GPATCH2: variants seen among roughly 807,000 people sequenced by gnomAD.
GPATCH2 encodes G patch domain-containing protein 2.
Under a neutral mutation model 58.0 loss-of-function variants are expected in GPATCH2, and 51 were observed. The observed-to-expected ratio is 0.88, with a 90% confidence interval of 0.70 to 1.11. GPATCH2 has a LOEUF of 1.11. GPATCH2 is among the 50% of genes most tolerant of loss of function. The pLI is 0.00. For missense variants in GPATCH2, 625 were observed against 652.2 expected (o/e 0.96, Z 0.45); for synonymous variants, 222 against 218.5 (o/e 1.02, Z -0.14).
At chr1:217,594,949 A>G (rs1260368311) in intron 5 of GPATCH2, among the ~76,000 whole-genome samples, 1 of 152,214 alleles carries the variant, frequency 6.6e-6, no homozygotes, top group Non-Finnish European at 1.5e-5. Context: ...GGCACCTTTA[A>G]GGAGCATGCC....
chr1:217,453,439 CACTT>C (rs1389621979), intron 8 of GPATCH2, among the ~76,000 whole-genome samples: 1 of 152,140 alleles, frequency 6.6e-6, no homozygotes, highest in African/African-American at 2.4e-5. Flanking sequence ...ACGGGTCTGT[CACTT>C]ACGATTTGAA....
intron 9 of GPATCH2, among the ~76,000 whole-genome samples, chr1:217,439,802 A>C (rs977860355): frequency 4.6e-5 from 7 of 152,226 alleles, no homozygotes; most frequent in Non-Finnish European, 7.3e-5. Context: ...ACACCCTCCC[A>C]AGACTAAAGC....
chr1:217,596,581 T>C (rs1378737361), intron 5 of GPATCH2, among the ~76,000 whole-genome samples: 1 of 152,200 alleles, frequency 6.6e-6, no homozygotes, highest in African/African-American at 2.4e-5. Flanking sequence ...GCTATTATAA[T>C]GAATAGTAAT....
At chr1:217,469,008 G>C (rs559514181) in intron 8 of GPATCH2, among the ~76,000 whole-genome samples, 23 of 152,128 alleles carry the variant, frequency 1.5e-4, no homozygotes, top group African/African-American at 5.3e-4. Flanking sequence ...AGTCATTACA[G>C]CTTTTTCAAG....
At chr1:217,490,730 T>C (rs1243054055) in intron 8 of GPATCH2, among the ~76,000 whole-genome samples, 3 of 152,238 alleles carry the variant, frequency 2.0e-5, no homozygotes, top group African/African-American at 7.2e-5. Context: ...ATCTCATCCA[T>C]AGTTATTTTA....
At position 217,620,120 on chromosome 1, in the gene GPATCH2, A is replaced by G. The variant is rs1466073100; in HGVS notation, c.436T>C (p.Ser146Pro). ...CCAACATTGTCCACAGCAAAATCAG[A>G]CTCATGCCATAGAGGTCTTTTCCCT... ...VRGKRPLWHE[S>P]DFAVDNVGNR... is the part of the protein sequence containing the mutation. The change falls in exon 2 of 10, where the codon TCT (serine) becomes CCT (proline). Residue 146 changes from serine (S) to proline (P), a missense_variant. Coordinates refer to ENST00000366935, the MANE Select transcript of GPATCH2 (RefSeq NM_018040.5). 6.2e-7 allele frequency: 1 copy of G among 1,614,026 alleles called. No homozygotes were observed.
At chr1:217,628,877 A>T (rs1008568274) in intron 1 of GPATCH2, among the ~76,000 whole-genome samples, 2 of 152,102 alleles carry the variant, frequency 1.3e-5, no homozygotes, top group Admixed American at 6.6e-5. Flanking sequence ...ATTCCTTGAG[A>T]TATTATATCT....
intron 5 of GPATCH2, among the ~76,000 whole-genome samples, chr1:217,567,148 G>C (rs1666288699): frequency 6.7e-6 from 1 of 150,170 alleles, no homozygotes; most frequent in African/African-American, 2.4e-5. Flanking sequence ...CTAGGTTCAA[G>C]TGATTCTCGT....
At chr1:217,508,896 A>C (rs1662698107) in intron 6 of GPATCH2, among the ~76,000 whole-genome samples, 1 of 152,194 alleles carries the variant, frequency 6.6e-6, no homozygotes, top group South Asian at 2.1e-4. Flanking sequence ...TACATTAATG[A>C]TTAGACTTTA....
Position 217,496,229 on chromosome 1 carries a change from C to T in GPATCH2, c.1206+2127G>A, listed in dbSNP as rs147190049. Among the ~76,000 whole-genome samples the T allele has an allele frequency of 8.0e-3, 1,225 of 152,284 alleles. 16 individuals carry two copies. Among genetic ancestry groups the T allele is most frequent in the African/African-American group, 0.028 (1,169 of 41,562 alleles). ...TCATTGTCATTATTCAGATTCCATACACCTACTTGCTAACATTTATTTGTA... is the reference window on the plus strand; with the variant it reads ...TCATTGTCATTATTCAGATTCCATATACCTACTTGCTAACATTTATTTGTA... On this transcript the variant is annotated intron_variant, in intron 7 of 9. Coordinates refer to ENST00000366935, the MANE Select transcript of GPATCH2 (RefSeq NM_018040.5).
At position 217,458,620 on chromosome 1, in the gene GPATCH2, C is replaced by G. The variant is rs546077678; in HGVS notation, c.1278-9283G>C. The stretch of plus-strand genomic sequence containing the variant: ...TTTTTTCTTAACAACTGGTACTCAT[C>G]GAGACCATATATATGTGCTAACATT... On this transcript the variant is annotated intron_variant, in intron 8 of 9. Transcript: ENST00000366935. Among the ~76,000 whole-genome samples, 6 of 152,090 alleles carry G rather than the reference C, an allele frequency of 3.9e-5. No homozygotes were observed. In the South Asian group the frequency reaches 1.2e-3, roughly 32 times the overall value.
At chr1:217,536,492 T>A (rs1161776104) in intron 5 of GPATCH2, among the ~76,000 whole-genome samples, 1 of 152,218 alleles carries the variant, frequency 6.6e-6, no homozygotes, top group East Asian at 1.9e-4. Context: ...AATTTGCTGA[T>A]TTCTTCTATA....
At chr1:217,534,802 C>T (rs1664386258) in intron 5 of GPATCH2, among the ~76,000 whole-genome samples, 1 of 152,188 alleles carries the variant, frequency 6.6e-6, no homozygotes, top group South Asian at 2.1e-4. Context: ...GTACTAACTA[C>T]ATTCAGGTCA....
chr1:217,617,975 G>A (rs1321580479), intron 2 of GPATCH2, among the ~76,000 whole-genome samples: 1 of 151,982 alleles, frequency 6.6e-6, no homozygotes, highest in African/African-American at 2.4e-5. Flanking sequence ...AAAAAAAAGG[G>A]GGGGAGCTTG....
intron 8 of GPATCH2, among the ~76,000 whole-genome samples, chr1:217,462,834 G>A (rs904132864): frequency 6.6e-6 from 1 of 152,198 alleles, no homozygotes; most frequent in African/African-American, 2.4e-5. Context: ...TGTGGACTGT[G>A]CAGCCCAAAG....
rs1020563652 is a variant in GPATCH2, at chr1:217,428,095, G to A, written c.*3050C>T. 6.6e-6 allele frequency: 1 copy of A among 152,074 alleles called. No individual in the cohort carries two copies. The highest frequency in any genetic ancestry group is 2.4e-5 in the African/African-American group (1 of 41,422). 9.4% of individuals were successfully genotyped at this position (152,074 alleles called of 1,614,324 possible). A position where few individuals can be genotyped will look rare whatever the true frequency, so the allele number is the denominator to read the frequency against. On this transcript the variant is annotated 3_prime_UTR_variant, in exon 10 of 10. Coordinates refer to ENST00000366935, the MANE Select transcript of GPATCH2 (RefSeq NM_018040.5). ...AGTGTATTCGGGGAGCAGAAAAGAA[G>A]GAAACAAATGACTCCAGCACACAGT...
intron 7 of GPATCH2, among the ~76,000 whole-genome samples, chr1:217,497,207 T>A (rs1662055457): frequency 6.6e-6 from 1 of 152,120 alleles, no homozygotes. Context: ...AATATTATTG[T>A]AAGCATTGTA....
intron 5 of GPATCH2, 60 bp downstream of exon 5, chr1:217,610,261 T>C (rs1668557440): frequency 1.3e-6 from 2 of 1,495,366 alleles, no homozygotes; most frequent in African/African-American, 1.4e-5. Context: ...TGTGGCTTTT[T>C]ATTCCATAGA....
intron 5 of GPATCH2, among the ~76,000 whole-genome samples, chr1:217,541,232 T>G (rs993198767): frequency 6.6e-6 from 1 of 152,226 alleles, no homozygotes; most frequent in Non-Finnish European, 1.5e-5. Context: ...TCATTACTCA[T>G]ACTGAAAATT....
Sources: gnomAD v4.1 joint callset for allele counts (sites outside exome capture counted in the v4.1 genomes callset) on GRCh38, gnomAD v4.1.1 for gene constraint, MANE v1.5 for transcripts, NCBI Gene and HGNC (gene_info 2026-07-23, HGNC 2026-07-21) for gene names.